KSR2: variants seen among roughly 807,000 people sequenced by gnomAD.
KSR2 encodes the protein kinase suppressor of ras 2.
KSR2 carries 25 observed loss-of-function variants against 107.8 expected under a neutral mutation model. The ratio of observed to expected loss-of-function variants is 0.23; its 90% CI spans 0.17 to 0.32. The LOEUF (loss-of-function observed/expected upper bound fraction) is 0.32. Among genes scored for constraint, KSR2 ranks in the 10% least tolerant of loss-of-function variants. KSR2 has a pLI of 1.00. For synonymous variants in KSR2, 480 were observed against 507.0 expected (o/e 0.95, Z 0.71); for missense variants, 887 against 1,268.9 (o/e 0.70, Z 4.57).
At chr12:117,486,162 T>C (rs946743844) in intron 14 of KSR2, among the ~76,000 whole-genome samples, 1 of 152,194 alleles carries the variant, frequency 6.6e-6, no homozygotes, top group Admixed American at 6.5e-5. Flanking sequence ...CAGCAAACGA[T>C]GCAGTCAATT....
intron 16 of KSR2, among the ~76,000 whole-genome samples, chr12:117,482,253 G>A (rs919510387): frequency 6.6e-6 from 1 of 151,998 alleles, no homozygotes; most frequent in East Asian, 1.9e-4. Context: ...CAGCCCAGCT[G>A]TGTGAATGTG....
intron 10 of KSR2, among the ~76,000 whole-genome samples, chr12:117,532,996 C>T (rs1448011835): frequency 6.6e-6 from 1 of 152,212 alleles, no homozygotes; most frequent in African/African-American, 2.4e-5. Flanking sequence ...AATCTTTGCT[C>T]TGCCCTTGGC....
intron 3 of KSR2, among the ~76,000 whole-genome samples, chr12:117,825,335 G>A (rs1460892479): frequency 6.6e-6 from 1 of 152,190 alleles, no homozygotes; most frequent in African/African-American, 2.4e-5. Context: ...ATGGATGGAT[G>A]GAGGGATGCA....
At chr12:117,603,125 G>A (rs1881047947) in intron 5 of KSR2, among the ~76,000 whole-genome samples, 1 of 152,166 alleles carries the variant, frequency 6.6e-6, no homozygotes, top group Non-Finnish European at 1.5e-5. Context: ...AAGATACCTG[G>A]TGACAGAGCC....
At chr12:117,758,551 G>T (rs555215658) in intron 4 of KSR2, among the ~76,000 whole-genome samples, 12 of 152,274 alleles carry the variant, frequency 7.9e-5, no homozygotes, top group African/African-American at 2.6e-4. Flanking sequence ...TGATGAGCTT[G>T]CTAACTCAGC....
intron 1 of KSR2, among the ~76,000 whole-genome samples, chr12:117,861,379 T>C (rs1238010992): frequency 2.2e-5 from 1 of 45,056 alleles, no homozygotes; most frequent in Admixed American, 2.0e-4. Context: ...CCCAATTCGC[T>C]TTTTTTTTTT....
intron 1 of KSR2, among the ~76,000 whole-genome samples, chr12:117,894,642 T>C (rs934192249): frequency 4.0e-5 from 6 of 151,808 alleles, no homozygotes; most frequent in African/African-American, 1.5e-4. Flanking sequence ...GACTTCCCCC[T>C]AGCTGTTCTC....
rs16947608 is a variant in KSR2, at chr12:117,474,811, G to A, written c.2582+1653C>T. On this transcript the variant is annotated intron_variant, in intron 17 of 19. Coordinates refer to ENST00000339824, the MANE Select transcript of KSR2 (RefSeq NM_173598.6). Reference sequence around the variant, plus strand: ...GTCGTGTAGAGGCAGCTGTGTTTTGGTGGTTTCATTTGTCATCTCCACGAT... The same window carrying A: ...GTCGTGTAGAGGCAGCTGTGTTTTGATGGTTTCATTTGTCATCTCCACGAT... Among the ~76,000 whole-genome samples the A allele has an allele frequency of 6.1e-3, 922 of 152,082 alleles. 4 individuals carry two copies. The highest frequency in any genetic ancestry group is 0.021 in the African/African-American group (861 of 41,474).
chr12:117,668,117 C>A (rs1310292561), intron 4 of KSR2, among the ~76,000 whole-genome samples: 1 of 152,244 alleles, frequency 6.6e-6, no homozygotes. Flanking sequence ...TCACCATCTA[C>A]GTGTTTAATC....
intron 5 of KSR2, among the ~76,000 whole-genome samples, chr12:117,628,945 A>G (rs1882671640): frequency 6.6e-6 from 1 of 152,368 alleles, no homozygotes; most frequent in South Asian, 2.1e-4. Context: ...GCTGTCTGGC[A>G]GATCGATCTC....
intron 4 of KSR2, among the ~76,000 whole-genome samples, chr12:117,712,053 C>T (rs1886804183): frequency 6.6e-6 from 1 of 152,190 alleles, no homozygotes; most frequent in African/African-American, 2.4e-5. Context: ...CAAGCCAACC[C>T]TCCCAGGTCC....
chr12:117,659,762 T>C (rs956453622), intron 5 of KSR2, among the ~76,000 whole-genome samples: 1 of 152,202 alleles, frequency 6.6e-6, no homozygotes, highest in Non-Finnish European at 1.5e-5. Flanking sequence ...AGAACAGAGA[T>C]TAAAAATTGG....
At chr12:117,547,991 G>A (rs1877000694) in intron 9 of KSR2, among the ~76,000 whole-genome samples, 1 of 152,204 alleles carries the variant, frequency 6.6e-6, no homozygotes, top group South Asian at 2.1e-4. Context: ...CAGCTATCTG[G>A]GAGACTGAGG....
In KSR2 at chr12:117,507,371, G is replaced by A. The variant is rs77234735; in HGVS notation, c.2219+17481C>T. On this transcript the variant is annotated intron_variant, in intron 14 of 19. Coordinates refer to ENST00000339824, the MANE Select transcript of KSR2 (RefSeq NM_173598.6). ...GGCCATGGCCATTCATCTCCAATAAGGGAATGAGTTTAAGGGTCCTGATTT... is the reference window on the plus strand; with the variant it reads ...GGCCATGGCCATTCATCTCCAATAAAGGAATGAGTTTAAGGGTCCTGATTT... Among the ~76,000 whole-genome samples, 1,318 of 152,254 alleles carry A rather than the reference G, an allele frequency of 8.7e-3. 16 individuals carry two copies. Among genetic ancestry groups the A allele is most frequent in the African/African-American group, 0.03 (1,256 of 41,544 alleles).
intron 4 of KSR2, among the ~76,000 whole-genome samples, chr12:117,721,153 C>T (rs939855376): frequency 3.3e-5 from 5 of 152,132 alleles, no homozygotes; most frequent in Non-Finnish European, 5.9e-5. Context: ...CCAAGATGCC[C>T]TCAGTGGTGC....
At chr12:117,505,368 C>T (rs994266812) in intron 14 of KSR2, among the ~76,000 whole-genome samples, 16 of 152,190 alleles carry the variant, frequency 1.1e-4, no homozygotes, top group Admixed American at 7.2e-4. Context: ...TGGTGGATGT[C>T]GCCCTCCCTC....
intron 1 of KSR2, among the ~76,000 whole-genome samples, chr12:117,899,469 G>A (rs1894619955): frequency 6.6e-6 from 1 of 151,754 alleles, no homozygotes; most frequent in Non-Finnish European, 1.5e-5. Context: ...CTCCAACCTG[G>A]GCAACAGAGA....
At chr12:117,857,227 T>G (rs1893133502) in intron 2 of KSR2, among the ~76,000 whole-genome samples, 3 of 151,968 alleles carry the variant, frequency 2.0e-5, no homozygotes, top group Non-Finnish European at 4.4e-5. Flanking sequence ...CCTGGCTAAT[T>G]TTTAAATTTT....
At chr12:117,925,432 C>A (rs985296848) in intron 1 of KSR2, among the ~76,000 whole-genome samples, 2 of 152,088 alleles carry the variant, frequency 1.3e-5, no homozygotes, top group Non-Finnish European at 2.9e-5. Flanking sequence ...CTTATATTTT[C>A]TTTTATATTT....
Sources: allele counts gnomAD v4.1 joint callset (sites outside exome capture counted in the v4.1 genomes callset), GRCh38; gene constraint gnomAD v4.1.1; transcripts MANE v1.5; gene names NCBI Gene and HGNC (gene_info 2026-07-23, HGNC 2026-07-21).